The following ADAMTS9 variants were observed in gnomAD, a reference collection of about 807,000 sequenced individuals.
ADAMTS9 encodes the protein ADAM metallopeptidase with thrombospondin type 1 motif 9, also known as A disintegrin and metalloproteinase with thrombospondin motifs 9.
In ADAMTS9, 107 loss-of-function variants were observed where a neutral mutation model predicts 257.1. That is an observed-to-expected ratio of 0.42 (90% CI 0.36 to 0.49). The LOEUF (loss-of-function observed/expected upper bound fraction) is 0.49, where lower values mean the gene tolerates loss of function less well. Ranked by LOEUF, ADAMTS9 falls within the 20% of genes least tolerant of loss-of-function variation. The pLI is 0.03. For missense variants in ADAMTS9, 2,353 were observed against 2,469.1 expected, an observed-to-expected ratio of 0.95 and a Z score of 1.00; for synonymous variants, 982 against 880.9, an observed-to-expected ratio of 1.11 and a Z score of -2.03.
intron 28 of ADAMTS9, among the ~76,000 whole-genome samples, chr3:64,573,975 G>GC (rs2083765596): frequency 6.6e-6 from 1 of 152,184 alleles, no homozygotes. Context: ...ACTCATACAT[G>GC]TTTACTTGCT....
At chr3:64,574,945 C>G (rs909936511) in intron 28 of ADAMTS9, among the ~76,000 whole-genome samples, 2 of 152,194 alleles carry the variant, frequency 1.3e-5, no homozygotes, top group Admixed American at 6.5e-5. Flanking sequence ...ATAGCTCTGA[C>G]TTTAATGCCT....
chr3:64,647,798 A>G (rs1700833676), intron 11 of ADAMTS9, 142 bp downstream of exon 11: 3 of 601,644 alleles, frequency 5.0e-6, no homozygotes, highest in Non-Finnish European at 7.9e-6. Context: ...TCTAACTTCT[A>G]AACATCTGTC....
rs115357722 is a variant in ADAMTS9 at position 64,652,793 on chromosome 3, A to T, written c.1316+1560T>A. Among the ~76,000 whole-genome samples the T allele has an allele frequency of 7.7e-4, 118 of 152,320 alleles. 1 individual carries two copies. Among genetic ancestry groups the T allele is most frequent in the Middle Eastern group, 6.8e-3 (2 of 294 alleles). ...TAATCACTTATTTTACCCAATGAATAGTACAGGTTGAACATCCCTAATCTC... is the reference window on the plus strand; with the variant it reads ...TAATCACTTATTTTACCCAATGAATTGTACAGGTTGAACATCCCTAATCTC... On this transcript the variant is annotated intron_variant, in intron 8 of 39. Transcript: ENST00000498707.
chr3:64,635,273 C>G (rs1429249367), intron 12 of ADAMTS9, among the ~76,000 whole-genome samples: 4 of 152,184 alleles, frequency 2.6e-5, no homozygotes, highest in Non-Finnish European at 5.9e-5. Context: ...AGAGCACCAG[C>G]TTTGCAGTTA....
intron 38 of ADAMTS9, among the ~76,000 whole-genome samples, chr3:64,530,759 C>T (rs895292040): frequency 1.3e-4 from 20 of 152,002 alleles, no homozygotes; most frequent in African/African-American, 4.6e-4. Flanking sequence ...CCTACAATCA[C>T]ATTTTTATTT....
rs1371306548 is a variant in ADAMTS9, at chr3:64,633,505, G to A, written c.2142C>T (p.Asp714=). 12 of 1,613,952 alleles carry A rather than the reference G, an allele frequency of 7.4e-6. No individual in the cohort carries two copies. The highest frequency in any genetic ancestry group is 5.0e-5 in the Admixed American group (3 of 59,988). The change falls in exon 14 of 40, where the codon GAC becomes GAT. Residue 714 remains aspartate, a synonymous_variant. Transcript: ENST00000498707. ...RVIDGTPCGQ[D]TNDICVQGLC... ...GGCCCTGGACACAGATATCATTTGT[G>A]TCCTGGCCACAAGGAGTTCCATCTA...
intron 14 of ADAMTS9, 78 bp from the exon 15 acceptor site, chr3:64,632,003 T>C (rs1700377764): frequency 9.1e-7 from 1 of 1,101,002 alleles, no homozygotes; most frequent in Non-Finnish European, 1.3e-6. Context: ...TTTCTTTTAA[T>C]CGTGTGCACT....
At chr3:64,624,612 A>T (rs1700184670) in intron 16 of ADAMTS9, among the ~76,000 whole-genome samples, 1 of 152,202 alleles carries the variant, frequency 6.6e-6, no homozygotes, top group South Asian at 2.1e-4. Context: ...TCTAAAATTG[A>T]CTCCCTTTCA....
chr3:64,603,553 T>G (rs1323187455), intron 25 of ADAMTS9, among the ~76,000 whole-genome samples: 2 of 152,084 alleles, frequency 1.3e-5, no homozygotes, highest in African/African-American at 4.8e-5. Context: ...GCAGGAGGAA[T>G]CTAGACTCAG....
chr3:64,530,977 A>C (rs1420697756), intron 38 of ADAMTS9, among the ~76,000 whole-genome samples: 1 of 152,204 alleles, frequency 6.6e-6, no homozygotes, highest in Non-Finnish European at 1.5e-5. Flanking sequence ...AGGAATGGGG[A>C]AAGAACATTA....
At chr3:64,658,395 G>A in intron 4 of ADAMTS9, 107 bp downstream of exon 4, 1 of 1,188,730 alleles carries the variant, frequency 8.4e-7, no homozygotes, top group Non-Finnish European at 1.2e-6. Context: ...TTGCCTGAAT[G>A]GCTGAAATGC....
intron 28 of ADAMTS9, among the ~76,000 whole-genome samples, chr3:64,574,644 C>A (rs1291499225): frequency 6.6e-6 from 1 of 151,164 alleles, no homozygotes; most frequent in East Asian, 1.9e-4. Flanking sequence ...GAGTTAGGAG[C>A]ATTGATTGAG....
At chr3:64,650,357 A>T (rs1700902209) in intron 9 of ADAMTS9, 1 of 152,532 alleles carries the variant, frequency 6.6e-6, no homozygotes, top group African/African-American at 2.4e-5. Context: ...ACACCCAGTG[A>T]CTCTGGGACA....
chr3:64,617,473 A>G (rs569491918), intron 19 of ADAMTS9, among the ~76,000 whole-genome samples: 2 of 152,146 alleles, frequency 1.3e-5, no homozygotes, highest in Non-Finnish European at 2.9e-5. Context: ...AAAGTTCTCA[A>G]AATGCTACCC....
In ADAMTS9 at chr3:64,647,866, G is replaced by A. The variant is rs1035252376; in HGVS notation, c.1710+74C>T. On this transcript the variant is annotated intron_variant, in intron 11 of 39. Transcript: ENST00000498707. ...TGCATTGTCTTATATTCTAAACATC[G>A]GTGTCTGATCATACACCCAAAATCT... 4.4e-5 allele frequency: 56 copies of A among 1,277,068 alleles called. No homozygotes were observed. The East Asian group carries it at 9.0e-4, about 21-fold the overall frequency. 79.1% of individuals were successfully genotyped at this position (1,277,068 alleles called of 1,614,324 possible).
At chr3:64,670,461 A>G (rs958333151) in intron 3 of ADAMTS9, among the ~76,000 whole-genome samples, 8 of 152,180 alleles carry the variant, frequency 5.3e-5, no homozygotes, top group African/African-American at 1.9e-4. Flanking sequence ...ATGCTCCACT[A>G]TACTTTCTTG....
chr3:64,640,404 A>G (rs1700608253), intron 12 of ADAMTS9, among the ~76,000 whole-genome samples: 2 of 152,230 alleles, frequency 1.3e-5, no homozygotes, highest in South Asian at 4.1e-4. Flanking sequence ...CCGAACAATC[A>G]GCCAGACCTG....
chr3:64,594,398 G>A lies in ADAMTS9; in HGVS notation c.4216C>T (p.Leu1406=). The A allele has an allele frequency of 2.5e-6, 4 of 1,614,064 alleles. No individual in the cohort carries two copies. The highest frequency in any genetic ancestry group is 3.4e-6 in the Non-Finnish European group (4 of 1,179,962). ...CCGTTGGACCGCTGACAGACCACCA[G>A]TCTTGTTCTTATGCCTCCACCACAC... ...KLCGGGIRTR[L]VVCQRSNGER... Residue 1406 remains leucine, a synonymous_variant, in exon 28 of 40, where the codon CTG becomes TTG. Coordinates refer to ENST00000498707, the MANE Select transcript of ADAMTS9 (RefSeq NM_182920.2).
At chr3:64,536,718 A>G (rs1233165533) in intron 37 of ADAMTS9, among the ~76,000 whole-genome samples, 1 of 152,216 alleles carries the variant, frequency 6.6e-6, no homozygotes, top group African/African-American at 2.4e-5. Flanking sequence ...TTTAAATGCT[A>G]CATTGAGTAG....
Sources: gnomAD v4.1 joint callset for allele counts (sites outside exome capture counted in the v4.1 genomes callset) on GRCh38, gnomAD v4.1.1 for gene constraint, MANE v1.5 for transcripts, NCBI Gene and HGNC (gene_info 2026-07-23, HGNC 2026-07-21) for gene names.